DHRSX: variants seen among roughly 807,000 people sequenced by gnomAD.
DHRSX encodes the protein polyprenol dehydrogenase.
Under a neutral mutation model 34.0 loss-of-function variants are expected in DHRSX, and 31 were observed. The ratio of observed to expected loss-of-function variants is 0.91; its 90% CI spans 0.69 to 1.23. The LOEUF is 1.23. DHRSX is among the 50% of genes most tolerant of loss of function. The pLI is 0.00. For missense variants in DHRSX, 414 were observed against 428.1 expected (o/e 0.97, Z 0.29); for synonymous variants, 201 against 183.8 (o/e 1.09, Z -0.76).
intron 1 of DHRSX, among the ~76,000 whole-genome samples, chrX:2,446,821 A>G (rs1418788373): frequency 1.3e-5 from 2 of 151,912 alleles, no homozygotes; most frequent in African/African-American, 4.8e-5. Context: ...TTCCCTAAGA[A>G]AGCAGCCAAG....
intron 3 of DHRSX, among the ~76,000 whole-genome samples, chrX:2,313,049 C>T (rs1209630454): frequency 5.9e-5 from 9 of 151,266 alleles, no homozygotes; most frequent in Admixed American, 4.6e-4. Flanking sequence ...GTTGCCCAGG[C>T]TGGAGTGCAG....
chrX:2,448,418 G>C (rs1421266698), intron 1 of DHRSX, among the ~76,000 whole-genome samples: 1 of 152,088 alleles, frequency 6.6e-6, no homozygotes, highest in African/African-American at 2.4e-5. Context: ...AGTGATCATA[G>C]TTAATAATAC....
chrX:2,247,998 G>C (rs973946884), intron 5 of DHRSX, among the ~76,000 whole-genome samples: 4 of 151,908 alleles, frequency 2.6e-5, no homozygotes, highest in African/African-American at 9.7e-5. Context: ...ATAAAAACTC[G>C]CCATAAAGAA....
At chrX:2,406,597 C>A (rs778432029) in intron 3 of DHRSX, among the ~76,000 whole-genome samples, 1 of 151,940 alleles carries the variant, frequency 6.6e-6, no homozygotes, top group Admixed American at 6.6e-5. Context: ...CCTGCCACCA[C>A]GCTCGGCTAA....
At chrX:2,255,913 ACT>A (rs1338889698) in intron 5 of DHRSX, among the ~76,000 whole-genome samples, 1 of 151,942 alleles carries the variant, frequency 6.6e-6, no homozygotes, top group Non-Finnish European at 1.5e-5. Flanking sequence ...CAAAAGCGAA[ACT>A]CTGTCTCAAA....
At chrX:2,358,165 G>C (rs2042880918) in intron 3 of DHRSX, among the ~76,000 whole-genome samples, 1 of 152,102 alleles carries the variant, frequency 6.6e-6, no homozygotes, top group African/African-American at 2.4e-5. Context: ...AGTTACGAAA[G>C]TTTCAAAGAG....
chrX:2,436,461 A>ATATTATTATTATTAT (rs1236612938), intron 1 of DHRSX, among the ~76,000 whole-genome samples: 45 of 129,272 alleles, frequency 3.5e-4, no homozygotes, highest in Middle Eastern at 3.8e-3. Flanking sequence ...TTGCAGCAAC[A>ATATTATTATTATTAT]TATTATTATT....
At chrX:2,355,372 C>T (rs1407531962) in intron 3 of DHRSX, among the ~76,000 whole-genome samples, 7 of 151,958 alleles carry the variant, frequency 4.6e-5, no homozygotes, top group Middle Eastern at 3.4e-3. Flanking sequence ...ATTAGCTATG[C>T]GTTGTGGCGC....
intron 2 of DHRSX, among the ~76,000 whole-genome samples, chrX:2,423,567 G>A (rs1244884996): frequency 6.6e-6 from 1 of 152,148 alleles, no homozygotes; most frequent in Non-Finnish European, 1.5e-5. Context: ...ACTGCAGTCT[G>A]GGCTGACAGA....
intron 5 of DHRSX, among the ~76,000 whole-genome samples, chrX:2,265,529 G>T (rs766497040): frequency 7.6e-6 from 1 of 130,778 alleles, no homozygotes; most frequent in Admixed American, 7.6e-5. Flanking sequence ...TCCAGCAGAT[G>T]CAGGGAGCAC....
At chrX:2,384,469 A>G (rs1283203415) in intron 3 of DHRSX, among the ~76,000 whole-genome samples, 1 of 152,200 alleles carries the variant, frequency 6.6e-6, no homozygotes, top group African/African-American at 2.4e-5. Flanking sequence ...TAAAAGAAAC[A>G]GTCAAGAAAG....
intron 3 of DHRSX, among the ~76,000 whole-genome samples, chrX:2,314,447 G>GGT (rs2042212680): frequency 9.0e-6 from 1 of 111,548 alleles, no homozygotes. Context: ...GGAAGGAAGG[G>GGT]GAGAAGGGAG....
chrX:2,490,227 G>A (rs752626565), intron 1 of DHRSX: 6 of 1,613,828 alleles, frequency 3.7e-6, no homozygotes, highest in African/African-American at 1.3e-5. Flanking sequence ...ATGTACTTCC[G>A]GCTGGGCAGC....
At chrX:2,393,611 G>C (rs1180486501) in intron 3 of DHRSX, among the ~76,000 whole-genome samples, 1 of 140,156 alleles carries the variant, frequency 7.1e-6, no homozygotes, top group South Asian at 2.3e-4. Flanking sequence ...CGACACACAG[G>C]GACCTCCCCG....
chrX:2,365,845 C>T (rs1249882130), intron 3 of DHRSX, among the ~76,000 whole-genome samples: 2 of 152,054 alleles, frequency 1.3e-5, no homozygotes, highest in Non-Finnish European at 2.9e-5. Flanking sequence ...ATACCTAATG[C>T]ATGCTGGGCT....
intron 3 of DHRSX, among the ~76,000 whole-genome samples, chrX:2,357,192 T>C (rs187448720): frequency 2.9e-4 from 44 of 152,070 alleles, no homozygotes; most frequent in African/African-American, 5.3e-4. Context: ...TGCAGTGAGC[T>C]AAGATCACAC....
At chrX:2,399,721 A>G in intron 3 of DHRSX, among the ~76,000 whole-genome samples, 1 of 130,560 alleles carries the variant, frequency 7.7e-6, no homozygotes, top group Admixed American at 7.9e-5. Flanking sequence ...AAACAAACAA[A>G]AAGCAAAAAA....
intron 3 of DHRSX, among the ~76,000 whole-genome samples, chrX:2,360,462 A>C (rs1187709320): frequency 1.3e-5 from 2 of 152,110 alleles, no homozygotes; most frequent in African/African-American, 2.4e-5. Context: ...GCGTGCCTGT[A>C]ATCCCAGCTA....
chrX:2,266,966 C>A lies in DHRSX; in HGVS notation c.389-19G>T. On this transcript the variant is annotated intron_variant, in intron 4 of 6. Coordinates refer to ENST00000334651, the MANE Select transcript of DHRSX (RefSeq NM_145177.3). The stretch of plus-strand genomic sequence containing the variant: ...ACCCCAGCTGGACAAAAGAGAATAT[C>A]AGAAGGAGTTAGACTGGGGAAGACA... 1.9e-6 allele frequency: 3 copies of A among 1,612,886 alleles called. No individual in the cohort carries two copies. Among genetic ancestry groups the A allele is most frequent in the Non-Finnish European group, 2.5e-6 (3 of 1,178,874 alleles).
Sources: gnomAD v4.1 joint callset for allele counts (sites outside exome capture counted in the v4.1 genomes callset) on GRCh38, gnomAD v4.1.1 for gene constraint, MANE v1.5 for transcripts, NCBI Gene and HGNC (gene_info 2026-07-23, HGNC 2026-07-21) for gene names.